DAB1: variants seen among roughly 807,000 people sequenced by gnomAD.
DAB1 encodes DAB adaptor protein 1.
In DAB1, 15 loss-of-function variants were observed where a neutral mutation model predicts 64.6. The ratio of observed to expected loss-of-function variants is 0.23; its 90% CI spans 0.16 to 0.36. DAB1 has a LOEUF of 0.36. Among genes scored for constraint, DAB1 ranks in the 10% least tolerant of loss-of-function variants. The pLI, the probability that DAB1 is intolerant of heterozygous loss-of-function variation, is 1.00. For missense variants in DAB1, 596 were observed against 706.7 expected, an observed-to-expected ratio of 0.84 and a Z score of 1.78; for synonymous variants, 235 against 251.9, an observed-to-expected ratio of 0.93 and a Z score of 0.64.
At chr1:57,755,587 C>T (rs1161014859) in intron 6 of DAB1, among the ~76,000 whole-genome samples, 2 of 152,194 alleles carry the variant, frequency 1.3e-5, no homozygotes, top group Non-Finnish European at 2.9e-5. Flanking sequence ...AACAACCAAA[C>T]TTTAAACTTT....
chr1:57,846,009 C>G (rs182306911), intron 1 of DAB1, among the ~76,000 whole-genome samples: 1 of 152,088 alleles, frequency 6.6e-6, no homozygotes, highest in East Asian at 1.9e-4. Flanking sequence ...TGTCTGCACA[C>G]GAAATGCTTT....
chr1:57,460,516 T>G (rs1049450417), intron 7 of DAB1, among the ~76,000 whole-genome samples: 1 of 152,216 alleles, frequency 6.6e-6, no homozygotes, highest in East Asian at 1.9e-4. Flanking sequence ...AGTGTTATGC[T>G]TTTGCAATGG....
At chr1:57,502,180 T>C (rs1279446169) in intron 7 of DAB1, among the ~76,000 whole-genome samples, 4 of 150,734 alleles carry the variant, frequency 2.7e-5, no homozygotes, top group Non-Finnish European at 5.9e-5. Context: ...AATTAGCCGG[T>C]GTGGTGGCGG....
At chr1:57,953,371 C>A (rs897433753) in intron 5 of DAB1, among the ~76,000 whole-genome samples, 3 of 152,152 alleles carry the variant, frequency 2.0e-5, no homozygotes, top group African/African-American at 7.2e-5. Context: ...TTGTTTATTG[C>A]CTGCTAGTGT....
intron 2 of DAB1, among the ~76,000 whole-genome samples, chr1:57,257,943 C>T (rs759611761): frequency 6.6e-6 from 1 of 152,168 alleles, no homozygotes; most frequent in Non-Finnish European, 1.5e-5. Flanking sequence ...AATGTCCCTA[C>T]CTTAAGAGCC....
At chr1:58,049,526 G>A (rs539818830) in intron 5 of DAB1, among the ~76,000 whole-genome samples, 1 of 152,134 alleles carries the variant, frequency 6.6e-6, no homozygotes, top group African/African-American at 2.4e-5. Flanking sequence ...TTAGAACCAA[G>A]TATATGACAT....
intron 6 of DAB1, among the ~76,000 whole-genome samples, chr1:57,780,587 G>GA (rs201300239): frequency 4.6e-5 from 5 of 107,926 alleles, no homozygotes; most frequent in African/African-American, 1.4e-4. Flanking sequence ...AGACAAAAAA[G>GA]AAAAAAAATC....
chr1:58,462,358 C>A (rs1008913152), intron 3 of DAB1, among the ~76,000 whole-genome samples: 1 of 152,028 alleles, frequency 6.6e-6, no homozygotes, highest in East Asian at 1.9e-4. Flanking sequence ...GATCTCCTGA[C>A]CTCATGATCC....
intron 4 of DAB1, among the ~76,000 whole-genome samples, chr1:58,269,023 T>A (rs894294815): frequency 6.6e-6 from 1 of 152,020 alleles, no homozygotes; most frequent in African/African-American, 2.4e-5. Flanking sequence ...TTTATTTTTT[T>A]TTTATTATAC....
chr1:58,385,112 A>C (rs967941161), intron 3 of DAB1, among the ~76,000 whole-genome samples: 2 of 152,266 alleles, frequency 1.3e-5, no homozygotes, highest in African/African-American at 4.8e-5. Context: ...AACAACAACA[A>C]AAAACAAAGA....
intron 5 of DAB1, among the ~76,000 whole-genome samples, chr1:57,998,552 C>A (rs763936159): frequency 2.6e-5 from 4 of 151,996 alleles, no homozygotes; most frequent in African/African-American, 9.7e-5. Flanking sequence ...TTAGTAGAGA[C>A]GGGGTTTCAC....
intron 7 of DAB1, among the ~76,000 whole-genome samples, chr1:57,620,135 G>A (rs1209748035): frequency 6.6e-6 from 1 of 152,104 alleles, no homozygotes. Context: ...TAGCAAAAAT[G>A]GCAATCCTGG....
intron 4 of DAB1, among the ~76,000 whole-genome samples, chr1:58,236,097 GCCCGCCCCCCCGCCCCAC>G (rs1039518984): frequency 5.1e-5 from 6 of 116,506 alleles, no homozygotes; most frequent in African/African-American, 9.6e-5. Context: ...CTGCAGCCCT[GCCCGCCCCCCCGCCCCAC>G]CCCGCCCCGC....
chr1:57,529,967 C>G (rs796473511), intron 7 of DAB1, among the ~76,000 whole-genome samples: 9 of 152,116 alleles, frequency 5.9e-5, no homozygotes, highest in African/African-American at 1.9e-4. Flanking sequence ...TATGAGTATA[C>G]AAAGCCTCTA....
At chr1:58,178,922 A>C (rs1327418220) in intron 4 of DAB1, among the ~76,000 whole-genome samples, 6 of 152,108 alleles carry the variant, frequency 3.9e-5, no homozygotes, top group Non-Finnish European at 5.9e-5. Flanking sequence ...TCAGTCTTTC[A>C]CCATTAAGTA....
chr1:57,773,201 G>A (rs1352269375), intron 6 of DAB1, among the ~76,000 whole-genome samples: 1 of 151,964 alleles, frequency 6.6e-6, no homozygotes, highest in African/African-American at 2.4e-5. Context: ...TTAGTTATAA[G>A]AGCCCCAGGA....
chr1:57,512,391 T>G (rs1009096221), intron 7 of DAB1, among the ~76,000 whole-genome samples: 2 of 152,192 alleles, frequency 1.3e-5, no homozygotes, highest in Non-Finnish European at 2.9e-5. Context: ...AATAAATATT[T>G]ATAGCCAGAA....
chr1:58,370,144 C>T (rs1020573963), intron 3 of DAB1, among the ~76,000 whole-genome samples: 5 of 152,076 alleles, frequency 3.3e-5, no homozygotes, highest in African/African-American at 1.2e-4. Context: ...AAACTAGGAG[C>T]ACTCAAACAG....
At chr1:57,156,782 C>G (rs12034636) in intron 2 of DAB1, among the ~76,000 whole-genome samples, 39,719 of 152,140 alleles carry the variant, frequency 0.26, 6,267 homozygotes, top group Middle Eastern at 0.43. Context: ...TGATCATCTC[C>G]TAACCGGGGG....
Sources: allele counts gnomAD v4.1 joint callset (sites outside exome capture counted in the v4.1 genomes callset), GRCh38; gene constraint gnomAD v4.1.1; transcripts MANE v1.5; gene names NCBI Gene and HGNC (gene_info 2026-07-23, HGNC 2026-07-21).